Variants in RBFOX1 observed in about 807,000 individuals in gnomAD.
RBFOX1 encodes RNA binding fox-1 homolog 1, also known as RNA binding protein fox-1 homolog 1.
Under a neutral mutation model 57.7 loss-of-function variants are expected in RBFOX1, and 8 were observed. That is an observed-to-expected ratio of 0.14 (90% CI 0.08 to 0.25). The LOEUF is 0.25. RBFOX1 is among the 10% of genes least tolerant of loss of function. The pLI, the probability that RBFOX1 is intolerant of heterozygous loss-of-function variation, is 1.00. For missense variants in RBFOX1, 611 were observed against 548.5 expected (o/e 1.11, Z -1.14); for synonymous variants, 326 against 222.4 (o/e 1.47, Z -4.15).
chr16:7,077,207 GCT>G (rs2058446635), intron 4 of RBFOX1, among the ~76,000 whole-genome samples: 1 of 152,180 alleles, frequency 6.6e-6, no homozygotes, highest in Non-Finnish European at 1.5e-5. Context: ...CTCCAATCAG[GCT>G]AGTCTTTGTT....
At position 6,859,162 on chromosome 16, in the gene RBFOX1, TAC is replaced by T. The variant is rs769799607; in HGVS notation, c.-15-192894_-15-192893del. Among the ~76,000 whole-genome samples the T allele has an allele frequency of 1.3e-3, 120 of 90,038 alleles. 6 individuals carry two copies. The highest frequency in any genetic ancestry group is 6.6e-3 in the African/African-American group (103 of 15,640). 59.1% of individuals were successfully genotyped at this position (90,038 alleles called of 152,430 possible). A position where few individuals can be genotyped will look rare whatever the true frequency, so the allele number is the denominator to read the frequency against. ...ATACGTATATATATATGTATATATA[TAC>T]GTATATATATGTATATATATGTATA... is the stretch of plus-strand genomic sequence containing the variant. On this transcript the variant is annotated intron_variant, in intron 3 of 15. Coordinates refer to ENST00000550418, the MANE Select transcript of RBFOX1 (RefSeq NM_018723.4).
chr16:7,455,957 G>T (rs1459399025), intron 4 of RBFOX1, among the ~76,000 whole-genome samples: 3 of 152,050 alleles, frequency 2.0e-5, no homozygotes, highest in Non-Finnish European at 4.4e-5. Context: ...CCCCTGTTTG[G>T]AAATGTCAAG....
intron 3 of RBFOX1, among the ~76,000 whole-genome samples, chr16:5,790,987 A>G (rs1428205404): frequency 7.3e-5 from 11 of 151,386 alleles, no homozygotes; most frequent in Admixed American, 7.2e-4. Context: ...TTTTGCTTCA[A>G]CTTCCCAAGT....
intron 3 of RBFOX1, among the ~76,000 whole-genome samples, chr16:6,856,520 G>A (rs574396852): frequency 6.6e-6 from 1 of 152,244 alleles, no homozygotes; most frequent in East Asian, 1.9e-4. Context: ...AAATTGGTAA[G>A]AAAGGAAAAT....
intron 3 of RBFOX1, among the ~76,000 whole-genome samples, chr16:5,856,206 TAC>T (rs1555547604): frequency 0.035 from 1,431 of 40,324 alleles, 71 homozygotes; most frequent in African/African-American, 0.053. Flanking sequence ...TATATATATA[TAC>T]ATATATATGT....
At chr16:5,669,690 T>C (rs117098999) in intron 3 of RBFOX1, among the ~76,000 whole-genome samples, 3,007 of 152,216 alleles carry the variant, frequency 0.02, 119 homozygotes, top group East Asian at 0.16. Flanking sequence ...AGTGGTGAGA[T>C]TACAGGCGTG....
rs149626699 is a variant in RBFOX1, at chr16:5,995,088, T to C, written c.351+127753T>C. On this transcript the variant is annotated intron_variant, in intron 4 of 19. Transcript: ENST00000641259. ...TTCCAAATAGATGAGTTCTGCCAAGTCTTCTTGAAGTACATTTCTGTACCT... is the reference window on the plus strand; with the variant it reads ...TTCCAAATAGATGAGTTCTGCCAAGCCTTCTTGAAGTACATTTCTGTACCT... Among the ~76,000 whole-genome samples the C allele has an allele frequency of 2.6e-5, 4 of 152,348 alleles. No homozygotes were observed. In the East Asian group the frequency reaches 5.8e-4, roughly 22 times the overall value.
At chr16:6,609,709 T>A (rs531813479) in intron 2 of RBFOX1, among the ~76,000 whole-genome samples, 2 of 152,254 alleles carry the variant, frequency 1.3e-5, no homozygotes, top group East Asian at 3.9e-4. Context: ...GATAACCCCC[T>A]TTAAAAACAC....
chr16:7,073,961 C>G (rs2057843926), intron 4 of RBFOX1, among the ~76,000 whole-genome samples: 1 of 152,184 alleles, frequency 6.6e-6, no homozygotes, highest in Non-Finnish European at 1.5e-5. Context: ...AGACAGCTCC[C>G]TGTTTCTGTA....
At chr16:5,647,455 C>T (rs921085942) in intron 3 of RBFOX1, among the ~76,000 whole-genome samples, 3 of 152,120 alleles carry the variant, frequency 2.0e-5, no homozygotes, top group Non-Finnish European at 2.9e-5. Context: ...AACATGTAAA[C>T]ACTGCTGTCC....
At chr16:5,323,492 G>A (rs560053994) in intron 1 of RBFOX1, among the ~76,000 whole-genome samples, 1 of 152,354 alleles carries the variant, frequency 6.6e-6, no homozygotes, top group South Asian at 2.1e-4. Context: ...ATCTGGCCCT[G>A]CATCAGCGGC....
At chr16:5,647,173 G>T (rs1322583003) in intron 3 of RBFOX1, among the ~76,000 whole-genome samples, 1 of 152,146 alleles carries the variant, frequency 6.6e-6, no homozygotes, top group Non-Finnish European at 1.5e-5. Flanking sequence ...GTGATATGTG[G>T]GTGGCATGTG....
rs139629381 is a variant in RBFOX1 at position 7,166,402 on chromosome 16, G to T, written c.27+114304G>T. ...GAGGTTCTGAGGGAGTGGGTTGTAA[G>T]GAAAGATAGAAAACTATAGAGGAGT... is the stretch of plus-strand genomic sequence containing the variant. On this transcript the variant is annotated intron_variant, in intron 4 of 15. Coordinates refer to ENST00000550418, the MANE Select transcript of RBFOX1 (RefSeq NM_018723.4). Among the ~76,000 whole-genome samples, 3 of 152,212 alleles carry T rather than the reference G, an allele frequency of 2.0e-5. No individual in the cohort carries two copies. In the East Asian group the frequency reaches 5.8e-4, roughly 29 times the overall value.
chr16:5,373,998 A>C (rs1027385505), intron 1 of RBFOX1, among the ~76,000 whole-genome samples: 1 of 152,078 alleles, frequency 6.6e-6, no homozygotes, highest in East Asian at 1.9e-4. Flanking sequence ...GCTCACTGCA[A>C]CCTCCAGCTT....
chr16:5,757,841 C>G (rs1461975522), intron 3 of RBFOX1, among the ~76,000 whole-genome samples: 1 of 152,154 alleles, frequency 6.6e-6, no homozygotes, highest in Admixed American at 6.5e-5. Context: ...GCTCATGCTT[C>G]TACTACTGTG....
chr16:5,709,557 A>G (rs1189737779), intron 3 of RBFOX1, among the ~76,000 whole-genome samples: 1 of 151,668 alleles, frequency 6.6e-6, no homozygotes, highest in Non-Finnish European at 1.5e-5. Context: ...ACATTAATCC[A>G]TCTCTCATTC....
intron 3 of RBFOX1, among the ~76,000 whole-genome samples, chr16:6,900,264 G>A (rs1002296195): frequency 7.9e-5 from 12 of 152,104 alleles, no homozygotes; most frequent in African/African-American, 1.7e-4. Context: ...AATATTCAAA[G>A]TCAATATGTG....
intron 1 of RBFOX1, among the ~76,000 whole-genome samples, chr16:5,465,549 T>C (rs2068926174): frequency 6.6e-6 from 1 of 152,080 alleles, no homozygotes; most frequent in Non-Finnish European, 1.5e-5. Context: ...ACTCTGTGGA[T>C]TACCTGTTTT....
At chr16:7,329,288 G>T (rs993585419) in intron 4 of RBFOX1, among the ~76,000 whole-genome samples, 1 of 152,186 alleles carries the variant, frequency 6.6e-6, no homozygotes, top group Non-Finnish European at 1.5e-5. Context: ...TACCAGAACT[G>T]CCCCACTCTC....
Sources: allele counts gnomAD v4.1 joint callset (sites outside exome capture counted in the v4.1 genomes callset), GRCh38; gene constraint gnomAD v4.1.1; transcripts MANE v1.5; gene names NCBI Gene and HGNC (gene_info 2026-07-23, HGNC 2026-07-21).